ELMOD2: variants seen among roughly 807,000 people sequenced by gnomAD.
The protein encoded by ELMOD2 is ELMO domain containing 2.
In ELMOD2, 28 loss-of-function variants were observed where a neutral mutation model predicts 41.0. The ratio of observed to expected loss-of-function variants is 0.68; its 90% CI spans 0.51 to 0.94. The LOEUF (loss-of-function observed/expected upper bound fraction) is 0.94. Ranked by LOEUF, ELMOD2 falls within the 40% of genes least tolerant of loss-of-function variation. ELMOD2 has a pLI of 0.00. For missense variants in ELMOD2, 333 were observed against 343.1 expected, an observed-to-expected ratio of 0.97 and a Z score of 0.23; for synonymous variants, 106 against 107.2, an observed-to-expected ratio of 0.99 and a Z score of 0.07.
In ELMOD2 at chr4:140,525,491, A is replaced by G. The variant is rs141408415; in HGVS notation, c.63A>G (p.Leu21=). ...GHFFRFWMKW[L]LRQMTGKCEL... is the part of the protein sequence containing the mutation. ...TTTTTCGATTTTGGATGAAATGGCT[A>G]TTACGACAGATGACTGGGAAGTGTG... The change falls in exon 2 of 9, where the codon CTA becomes CTG. Residue 21 remains leucine, a synonymous_variant. Transcript: ENST00000323570. The G allele has an allele frequency of 9.5e-5, 154 of 1,614,026 alleles. No individual in the cohort carries two copies. The highest frequency in any genetic ancestry group is 1.2e-4 in the Non-Finnish European group (142 of 1,179,960).
rs1316429855 is a variant in ELMOD2, at chr4:140,524,229, G to A, written c.-61G>A. On this transcript the variant is annotated 5_prime_UTR_variant, in exon 1 of 9. It adds an upstream start codon to the 5' untranslated region. Transcript: ENST00000323570. ...TCGTTTCCGTTGCCGGCTGTTTGCA[G>A]TGGGGAAACCGAGGCAGCTCCTGCT... is the stretch of plus-strand genomic sequence containing the variant. 6.6e-6 allele frequency: 1 copy of A among 152,372 alleles called. No individual in the cohort carries two copies. Among genetic ancestry groups the A allele is most frequent in the African/African-American group, 2.4e-5 (1 of 41,468 alleles). The allele number at this position is 152,372 out of a possible 1,614,324, so 9.4% of individuals were successfully genotyped here. A position where few individuals can be genotyped will look rare whatever the true frequency, so the allele number is the denominator to read the frequency against.
Position 140,553,303 on chromosome 4 carries a change from A to G in ELMOD2, c.*2928A>G, listed in dbSNP as rs1229760581. 6.6e-6 allele frequency: 1 copy of G among 152,094 alleles called. No homozygotes were observed. The highest frequency in any genetic ancestry group is 1.5e-5 in the Non-Finnish European group (1 of 67,966). The allele number at this position is 152,094 out of a possible 1,614,324, so 9.4% of individuals were successfully genotyped here. The stretch of plus-strand genomic sequence containing the variant: ...GACTTGGTGGGCCATAATGTTTATT[A>G]TCCTTTTTGAAATAACAGGGACCAG... On this transcript the variant is annotated 3_prime_UTR_variant, in exon 9 of 9. Transcript: ENST00000323570.
chr4:140,530,339 A>C (rs1437022399), intron 3 of ELMOD2, among the ~76,000 whole-genome samples: 2 of 152,192 alleles, frequency 1.3e-5, no homozygotes, highest in African/African-American at 4.8e-5. Context: ...TTGAATGACT[A>C]CCACATGTTC....
chr4:140,540,399 T>C, intron 6 of ELMOD2, 98 bp downstream of exon 6: 2 of 1,442,000 alleles, frequency 1.4e-6, no homozygotes, highest in Non-Finnish European at 1.9e-6. Context: ...TGATTCATAC[T>C]ATCTCTGAAT....
At chr4:140,547,893 C>G (rs1439825710) in intron 8 of ELMOD2, among the ~76,000 whole-genome samples, 1 of 152,156 alleles carries the variant, frequency 6.6e-6, no homozygotes, top group Non-Finnish European at 1.5e-5. Context: ...GAAAACAGCT[C>G]TTTTCCATCA....
chr4:140,552,462 C>T lies in ELMOD2; in HGVS notation c.*2087C>T, dbSNP rs1295833953. The T allele has an allele frequency of 6.6e-6, 1 of 152,050 alleles. No homozygotes were observed. Among genetic ancestry groups the T allele is most frequent in the Non-Finnish European group, 1.5e-5 (1 of 67,946 alleles). 9.4% of individuals were successfully genotyped at this position (152,050 alleles called of 1,614,324 possible). On this transcript the variant is annotated 3_prime_UTR_variant, in exon 9 of 9. Transcript: ENST00000323570. ...TTACAGCAAATTGATCTAAAAGCCA[C>T]TAATAAATTCTAGGGTTTGAGTCTA...
intron 1 of ELMOD2, chr4:140,524,551 A>G: frequency 1.0e-6 from 1 of 977,100 alleles, no homozygotes; most frequent in Non-Finnish European, 1.2e-6. Context: ...CGCGGACTAG[A>G]TGGCTTGATT....
At chr4:140,545,325 T>C (rs1735240759) in intron 8 of ELMOD2, among the ~76,000 whole-genome samples, 1 of 152,156 alleles carries the variant, frequency 6.6e-6, no homozygotes, top group Non-Finnish European at 1.5e-5. Context: ...TTACTAGATA[T>C]AGGGAGCACC....
intron 4 of ELMOD2, 60 bp downstream of exon 4, chr4:140,535,890 A>G: frequency 7.0e-7 from 1 of 1,432,010 alleles, no homozygotes; most frequent in South Asian, 1.2e-5. Context: ...AGGTATCAAT[A>G]TCACACACTG....
chr4:140,540,326 C>G, intron 6 of ELMOD2, 25 bp downstream of exon 6: 1 of 1,609,588 alleles, frequency 6.2e-7, no homozygotes, highest in Non-Finnish European at 8.5e-7. Flanking sequence ...ACTTTCTTTT[C>G]TTCCCTAAAT....
At chr4:140,537,203 C>T (rs1734956153) in intron 4 of ELMOD2, among the ~76,000 whole-genome samples, 1 of 152,046 alleles carries the variant, frequency 6.6e-6, no homozygotes, top group African/African-American at 2.4e-5. Context: ...TGAAGTTTGC[C>T]ATTCCTACCA....
chr4:140,546,610 T>A (rs2163320), intron 8 of ELMOD2, among the ~76,000 whole-genome samples: 82,653 of 147,018 alleles, frequency 0.56, 24,598 homozygotes, highest in Non-Finnish European at 0.69. Flanking sequence ...TTCATAAAAT[T>A]AAAAAAAAAA....
At chr4:140,541,895 G>A (rs1360629627) in intron 6 of ELMOD2, among the ~76,000 whole-genome samples, 1 of 152,048 alleles carries the variant, frequency 6.6e-6, no homozygotes, top group Non-Finnish European at 1.5e-5. Flanking sequence ...CCTCTAAAAT[G>A]TAAATAAACC....
intron 3 of ELMOD2, among the ~76,000 whole-genome samples, chr4:140,533,600 A>T (rs779263767): frequency 6.6e-6 from 1 of 152,184 alleles, no homozygotes; most frequent in Non-Finnish European, 1.5e-5. Flanking sequence ...TTATGCTGCC[A>T]CTTAAAAAAA....
rs1171587626 is a variant in ELMOD2 at position 140,535,798 on chromosome 4, G to A, written c.237G>A (p.Lys79=). 6.2e-7 allele frequency: 1 copy of A among 1,609,642 alleles called. No homozygotes were observed. Among genetic ancestry groups the A allele is most frequent in the Non-Finnish European group, 8.5e-7 (1 of 1,178,878 alleles). Residue 79 remains lysine, a synonymous_variant, in exon 4 of 9, where the codon AAG becomes AAA. Coordinates refer to ENST00000323570, the MANE Select transcript of ELMOD2 (RefSeq NM_153702.4). The part of the protein sequence containing the change: ...EVDKYVDDIM[K]EKNINPEKDA... ...ACAAATATGTAGATGATATTATGAA[G>A]GAAAAGAATATTAACCCTGAGAAGG...
chr4:140,541,819 A>G (rs1735113993), intron 6 of ELMOD2, among the ~76,000 whole-genome samples: 1 of 152,118 alleles, frequency 6.6e-6, no homozygotes, highest in African/African-American at 2.4e-5. Flanking sequence ...AATACTCTCT[A>G]GAAGAATAAA....
intron 3 of ELMOD2, among the ~76,000 whole-genome samples, chr4:140,531,512 G>A (rs1199910850): frequency 2.0e-5 from 3 of 152,218 alleles, no homozygotes; most frequent in Admixed American, 2.0e-4. Flanking sequence ...GAAAGTTAGG[G>A]AGGAATACTT....
intron 3 of ELMOD2, among the ~76,000 whole-genome samples, chr4:140,530,583 A>G (rs1734716780): frequency 6.6e-6 from 1 of 152,198 alleles, no homozygotes; most frequent in South Asian, 2.1e-4. Flanking sequence ...TTGTATTCTT[A>G]TGAACTTCAT....
At chr4:140,544,365 T>A (rs1735201695) in intron 8 of ELMOD2, among the ~76,000 whole-genome samples, 1 of 152,152 alleles carries the variant, frequency 6.6e-6, no homozygotes, top group African/African-American at 2.4e-5. Flanking sequence ...TAATTCCAGT[T>A]TTGTCTGCAT....
Sources: allele counts gnomAD v4.1 joint callset (sites outside exome capture counted in the v4.1 genomes callset), GRCh38; gene constraint gnomAD v4.1.1; transcripts MANE v1.5; gene names NCBI Gene and HGNC (gene_info 2026-07-23, HGNC 2026-07-21).